The following ANKMY2 variants were observed in gnomAD, a reference collection of about 807,000 sequenced individuals.
The protein encoded by ANKMY2 is ankyrin repeat and MYND domain-containing protein 2.
In ANKMY2, 36 loss-of-function variants were observed where a neutral mutation model predicts 50.4. The ratio of observed to expected loss-of-function variants is 0.71; its 90% CI spans 0.55 to 0.94. The LOEUF (loss-of-function observed/expected upper bound fraction) is 0.94. ANKMY2 is among the 40% of genes least tolerant of loss of function. The pLI is 0.00. For synonymous variants in ANKMY2, 187 were observed against 178.8 expected (o/e 1.05, Z -0.36); for missense variants, 565 against 524.0 (o/e 1.08, Z -0.76).
chr7:16,645,561 T>C lies in ANKMY2; in HGVS notation c.13A>G (p.Lys5Glu). 1 of 1,612,078 alleles carries C rather than the reference T, an allele frequency of 6.2e-7. No homozygotes were observed. The highest frequency in any genetic ancestry group is 8.5e-7 in the Non-Finnish European group (1 of 1,178,988). Residue 5 changes from lysine to glutamate, a missense_variant, in exon 1 of 10, where the codon AAG becomes GAG. Physicochemically the swap from Lys to Glu is moderately conservative, Grantham distance 56. Transcript: ENST00000306999. The stretch of plus-strand genomic sequence containing the variant: ...TCCTCCTGGGTCAGCTCGCCTTTCT[T>C]TATGTGAACCATTGCTCCCGCCAGC... MVHIKKGELTQEEKE... is the reference protein window; with the variant it reads MVHIEKGELTQEEKE...
intron 1 of ANKMY2, among the ~76,000 whole-genome samples, chr7:16,637,551 T>A (rs986129242): frequency 3.9e-5 from 6 of 152,166 alleles, no homozygotes; most frequent in Non-Finnish European, 7.4e-5. Flanking sequence ...CTATTTTTTT[T>A]ATAAATAATG....
intron 7 of ANKMY2, among the ~76,000 whole-genome samples, chr7:16,606,033 G>A (rs1781154808): frequency 6.6e-6 from 1 of 152,054 alleles, no homozygotes; most frequent in African/African-American, 2.4e-5. Flanking sequence ...TGGCCAGGCT[G>A]GTCTCAAACT....
chr7:16,602,751 G>T (rs1781090984), intron 8 of ANKMY2, among the ~76,000 whole-genome samples: 1 of 152,178 alleles, frequency 6.6e-6, no homozygotes, highest in Non-Finnish European at 1.5e-5. Context: ...GTTTTCTCAT[G>T]AACAGTTTAG....
At chr7:16,614,448 G>T (rs1322806721) in intron 5 of ANKMY2, among the ~76,000 whole-genome samples, 2 of 152,160 alleles carry the variant, frequency 1.3e-5, no homozygotes, top group East Asian at 3.9e-4. Flanking sequence ...TGTCTGATGG[G>T]AAAGGTATCT....
At chr7:16,636,100 C>T (rs111987181) in intron 2 of ANKMY2, among the ~76,000 whole-genome samples, 4,840 of 151,730 alleles carry the variant, frequency 0.032, 272 homozygotes, top group African/African-American at 0.11. Context: ...GGTCAGGGTT[C>T]GAGCTCAGCC....
In ANKMY2 at chr7:16,627,891, T is replaced by G. The variant is rs370757578; in HGVS notation, c.133-713A>C. Among the ~76,000 whole-genome samples the G allele has an allele frequency of 5.9e-4, 76 of 129,772 alleles. 2 individuals are homozygous for G. The East Asian group carries it at 0.016, about 28-fold the overall frequency. 85.1% of individuals were successfully genotyped at this position (129,772 alleles called of 152,430 possible). ...TTGATTATATGTGATTGTATAAATATAGAGAAATGGTTGGTAGTATTTAGG... is the reference window on the plus strand; with the variant it reads ...TTGATTATATGTGATTGTATAAATAGAGAGAAATGGTTGGTAGTATTTAGG... On this transcript the variant is annotated intron_variant, in intron 2 of 9. Coordinates refer to ENST00000306999, the MANE Select transcript of ANKMY2 (RefSeq NM_020319.3).
chr7:16,600,548 T>A lies in ANKMY2; in HGVS notation c.*213A>T. 2.5e-6 allele frequency: 1 copy of A among 393,494 alleles called. No homozygotes were observed. The highest frequency in any genetic ancestry group is 4.4e-6 in the Non-Finnish European group (1 of 227,070). 24.4% of individuals were successfully genotyped at this position (393,494 alleles called of 1,614,324 possible). ...TTTCCTGTATTTTGAAACAAAAAAT[T>A]TTCCATAGGAATATCCATTCAATTA... On this transcript the variant is annotated 3_prime_UTR_variant, in exon 10 of 10. Coordinates refer to ENST00000306999, the MANE Select transcript of ANKMY2 (RefSeq NM_020319.3).
At chr7:16,627,857 ACATAT>A (rs1489635163) in intron 2 of ANKMY2, among the ~76,000 whole-genome samples, 18 of 129,380 alleles carry the variant, frequency 1.4e-4, no homozygotes, top group Non-Finnish European at 1.6e-4. Context: ...TTTTGATCAT[ACATAT>A]GATTTGATTA....
At chr7:16,626,959 A>C in intron 3 of ANKMY2, 81 bp downstream of exon 3, 3 of 1,183,172 alleles carry the variant, frequency 2.5e-6, no homozygotes, top group Non-Finnish European at 1.1e-6. Flanking sequence ...CTAAAATCAA[A>C]ATGAATTTAA....
At chr7:16,638,440 C>T (rs1026580661) in intron 1 of ANKMY2, among the ~76,000 whole-genome samples, 7 of 152,174 alleles carry the variant, frequency 4.6e-5, no homozygotes, top group Non-Finnish European at 8.8e-5. Flanking sequence ...CAAAGATGAA[C>T]AGCCAGATGG....
intron 2 of ANKMY2, among the ~76,000 whole-genome samples, chr7:16,628,201 G>A (rs1312664911): frequency 6.6e-6 from 1 of 152,146 alleles, no homozygotes. Flanking sequence ...TGGATGAAAC[G>A]CTCTGTAAAA....
intron 7 of ANKMY2, among the ~76,000 whole-genome samples, chr7:16,607,769 T>G (rs1057131988): frequency 1.3e-5 from 2 of 151,444 alleles, no homozygotes; most frequent in Non-Finnish European, 2.9e-5. Flanking sequence ...TTGTGAGTGC[T>G]GGAAATCCCA....
At chr7:16,624,886 A>AC (rs34435348) in intron 4 of ANKMY2, 97 bp downstream of exon 4, 196,037 of 1,013,454 alleles carry the variant, frequency 0.19, 20,348 homozygotes, top group Middle Eastern at 0.24. Context: ...TTTTAAAGCA[A>AC]CATGATAATA....
At chr7:16,636,153 A>C (rs1285159603) in intron 2 of ANKMY2, among the ~76,000 whole-genome samples, 1 of 151,796 alleles carries the variant, frequency 6.6e-6, no homozygotes, top group Non-Finnish European at 1.5e-5. Flanking sequence ...AAATAGAAAA[A>C]TTACTCAGGA....
chr7:16,645,647 A>C lies in ANKMY2; in HGVS notation c.-74T>G. The stretch of plus-strand genomic sequence containing the variant: ...AAGAAACGATGCGTCTGTATTGGGA[A>C]CGCCAGCCGCAATGAGGCAACTTGA... On this transcript the variant is annotated 5_prime_UTR_variant, in exon 1 of 10. Transcript: ENST00000306999. 1 of 1,513,628 alleles carries C rather than the reference A, an allele frequency of 6.6e-7. No individual in the cohort carries two copies. 93.8% of individuals were successfully genotyped at this position (1,513,628 alleles called of 1,614,324 possible).
chr7:16,633,875 T>C (rs1371114907), intron 2 of ANKMY2, among the ~76,000 whole-genome samples: 1 of 152,192 alleles, frequency 6.6e-6, no homozygotes, highest in Non-Finnish European at 1.5e-5. Context: ...ACCATCATTT[T>C]TTTCTTTATG....
intron 4 of ANKMY2, among the ~76,000 whole-genome samples, chr7:16,617,794 C>T (rs374053681): frequency 2.0e-5 from 3 of 151,930 alleles, no homozygotes; most frequent in Middle Eastern, 3.4e-3. Flanking sequence ...AGCACAAACC[C>T]GTTTCTACAA....
chr7:16,627,899 T>C (rs917793674), intron 2 of ANKMY2, among the ~76,000 whole-genome samples: 11 of 129,706 alleles, frequency 8.5e-5, no homozygotes, highest in African/African-American at 2.9e-4. Context: ...TATAGAGAAA[T>C]GGTTGGTAGT....
At chr7:16,620,131 G>T (rs576375962) in intron 4 of ANKMY2, among the ~76,000 whole-genome samples, 1 of 152,172 alleles carries the variant, frequency 6.6e-6, no homozygotes, top group East Asian at 1.9e-4. Flanking sequence ...ATTTGAAAAG[G>T]TCCTATAACC....
Sources: gnomAD v4.1 joint callset for allele counts (sites outside exome capture counted in the v4.1 genomes callset) on GRCh38, gnomAD v4.1.1 for gene constraint, MANE v1.5 for transcripts, NCBI Gene and HGNC (gene_info 2026-07-23, HGNC 2026-07-21) for gene names.